ZMIZ1: variants seen among roughly 807,000 people sequenced by gnomAD.
The protein encoded by ZMIZ1 is zinc finger MIZ-type containing 1, also known as zinc finger MIZ domain-containing protein 1.
A neutral mutation model predicts 113.9 loss-of-function variants in ZMIZ1; 17 were observed. That is an observed-to-expected ratio of 0.15 (90% CI 0.10 to 0.22). The LOEUF (loss-of-function observed/expected upper bound fraction) is 0.22, where lower values mean the gene tolerates loss of function less well. Among genes scored for constraint, ZMIZ1 ranks in the 10% least tolerant of loss-of-function variants. ZMIZ1 has a pLI of 1.00. For synonymous variants in ZMIZ1, 607 were observed against 603.1 expected (o/e 1.01, Z -0.09); for missense variants, 1,059 against 1,477.8 (o/e 0.72, Z 4.65).
intron 1 of ZMIZ1, among the ~76,000 whole-genome samples, chr10:79,078,570 CTT>C (rs34178865): frequency 8.0e-5 from 7 of 87,810 alleles, no homozygotes; most frequent in African/African-American, 2.8e-4. Flanking sequence ...CCACCCCCGA[CTT>C]TTTTTTTTTT....
At chr10:79,128,211 T>C (rs1844599160) in intron 2 of ZMIZ1, among the ~76,000 whole-genome samples, 1 of 152,108 alleles carries the variant, frequency 6.6e-6, no homozygotes. Context: ...GGTGCTTGGG[T>C]GCCTTCTTTG....
At chr10:79,258,030 G>T (rs1589505115) in intron 7 of ZMIZ1, among the ~76,000 whole-genome samples, 1 of 152,192 alleles carries the variant, frequency 6.6e-6, no homozygotes, top group Admixed American at 6.5e-5. Flanking sequence ...TGGATTTGCA[G>T]AGCCCAGCGT....
chr10:79,303,098 G>A (rs1171488308), intron 18 of ZMIZ1, among the ~76,000 whole-genome samples: 9 of 151,852 alleles, frequency 5.9e-5, no homozygotes, highest in East Asian at 3.9e-4. Flanking sequence ...CTGACCTCAC[G>A]ATCCGCCCAC....
At chr10:79,269,510 C>G (rs562980371) in intron 7 of ZMIZ1, among the ~76,000 whole-genome samples, 1 of 148,840 alleles carries the variant, frequency 6.7e-6, no homozygotes, top group East Asian at 2.0e-4. Flanking sequence ...TCTCCAGCAG[C>G]CTTTTAGCTG....
At chr10:79,307,375 C>T in intron 22 of ZMIZ1, 30 bp from the exon 23 acceptor site, 2 of 1,540,000 alleles carry the variant, frequency 1.3e-6, no homozygotes, top group Admixed American at 1.8e-5. Flanking sequence ...CTGGGTGACC[C>T]CCTCCCCTCC....
chr10:79,307,298 C>A, intron 22 of ZMIZ1, 107 bp from the exon 23 acceptor site: 1 of 1,193,340 alleles, frequency 8.4e-7, no homozygotes, highest in Non-Finnish European at 1.2e-6. Flanking sequence ...TACAGCCTCG[C>A]AAGAGGAAAA....
chr10:79,171,348 C>T (rs762626192), intron 4 of ZMIZ1, among the ~76,000 whole-genome samples: 108 of 152,208 alleles, frequency 7.1e-4, no homozygotes, highest in Admixed American at 7.2e-4. Context: ...CCTGGGCTGT[C>T]GCTCAGAGGA....
intron 4 of ZMIZ1, among the ~76,000 whole-genome samples, chr10:79,191,042 G>A (rs2132612135): frequency 6.6e-6 from 1 of 152,318 alleles, no homozygotes; most frequent in Admixed American, 6.5e-5. Context: ...AGGATTGGCT[G>A]GGAGAGTGCA....
Position 79,314,228 on chromosome 10 carries a change from T to G in ZMIZ1, c.*1479T>G, listed in dbSNP as rs948975470. Reference sequence around the variant, plus strand: ...GTGTTCACTTTGTTTCAGGCTGGTCTGTGCCCCGTGAGCCACATGGCCTAG... The same window carrying G: ...GTGTTCACTTTGTTTCAGGCTGGTCGGTGCCCCGTGAGCCACATGGCCTAG... On this transcript the variant is annotated 3_prime_UTR_variant, in exon 25 of 25. Coordinates refer to ENST00000334512, the MANE Select transcript of ZMIZ1 (RefSeq NM_020338.4). 8.8e-6 allele frequency: 4 copies of G among 456,942 alleles called. No homozygotes were observed. Among genetic ancestry groups the G allele is most frequent in the Non-Finnish European group, 1.8e-5 (4 of 227,014 alleles). 28.3% of individuals were successfully genotyped at this position (456,942 alleles called of 1,614,324 possible).
chr10:79,273,879 C>T (rs971816323), intron 7 of ZMIZ1, among the ~76,000 whole-genome samples: 1 of 152,272 alleles, frequency 6.6e-6, no homozygotes, highest in African/African-American at 2.4e-5. Context: ...GGCCTCCCGC[C>T]GTGGGAGCAC....
chr10:79,275,507 C>T (rs1852226639), intron 7 of ZMIZ1, among the ~76,000 whole-genome samples: 4 of 152,242 alleles, frequency 2.6e-5, no homozygotes, highest in South Asian at 2.1e-4. Context: ...TTTGGGCTGA[C>T]GGGAACCCCG....
intron 3 of ZMIZ1, among the ~76,000 whole-genome samples, chr10:79,161,734 A>G (rs979284374): frequency 2.0e-5 from 3 of 152,234 alleles, no homozygotes; most frequent in Admixed American, 1.3e-4. Flanking sequence ...TGTTTGTTGA[A>G]TGAATGAGTG....
At chr10:79,073,302 G>A (rs941696024) in intron 1 of ZMIZ1, among the ~76,000 whole-genome samples, 3 of 152,196 alleles carry the variant, frequency 2.0e-5, no homozygotes, top group East Asian at 3.8e-4. Flanking sequence ...TGAAGGCCTG[G>A]GAGGCTCTGG....
At chr10:79,122,521 C>T (rs1035647398) in intron 2 of ZMIZ1, among the ~76,000 whole-genome samples, 2 of 152,118 alleles carry the variant, frequency 1.3e-5, no homozygotes, top group African/African-American at 4.8e-5. Context: ...GCTCCTTGCC[C>T]ACACTCCCAT....
chr10:79,261,327 G>A (rs758173187), intron 7 of ZMIZ1, among the ~76,000 whole-genome samples: 5 of 152,202 alleles, frequency 3.3e-5, no homozygotes, highest in Admixed American at 1.3e-4. Context: ...CCTACATTCC[G>A]TGTTAATTTT....
intron 2 of ZMIZ1, among the ~76,000 whole-genome samples, chr10:79,133,841 G>A (rs927006307): frequency 3.9e-5 from 6 of 152,212 alleles, no homozygotes; most frequent in African/African-American, 1.4e-4. Flanking sequence ...GGAGCATGCA[G>A]TGTTTAAGGA....
At position 79,293,094 on chromosome 10, in the gene ZMIZ1, C is replaced by T. The variant is rs114228306; in HGVS notation, c.958-287C>T. On this transcript the variant is annotated intron_variant, in intron 11 of 24. Coordinates refer to ENST00000334512, the MANE Select transcript of ZMIZ1 (RefSeq NM_020338.4). ...TTCCTGGTTTTCTGCCTGCCTCCCTCCCTGGAAATGCTGCCTGTGCATCGG... is the reference window on the plus strand; with the variant it reads ...TTCCTGGTTTTCTGCCTGCCTCCCTTCCTGGAAATGCTGCCTGTGCATCGG... 2.7e-3 allele frequency among the ~76,000 whole-genome samples: 409 copies of T among 152,180 alleles called. 3 individuals are homozygous for T. The highest frequency in any genetic ancestry group is 9.5e-3 in the African/African-American group (395 of 41,508).
chr10:79,165,845 C>T (rs762625408), intron 4 of ZMIZ1, among the ~76,000 whole-genome samples: 3 of 149,820 alleles, frequency 2.0e-5, no homozygotes, highest in Admixed American at 6.6e-5. Context: ...TCCCCCTAGG[C>T]GGGCCTGGTC....
At chr10:79,279,115 A>G (rs948943740) in intron 8 of ZMIZ1, among the ~76,000 whole-genome samples, 10 of 145,594 alleles carry the variant, frequency 6.9e-5, no homozygotes, top group African/African-American at 2.7e-4. Flanking sequence ...GCTGCCCCCC[A>G]CCTCCCGGAC....
Sources: allele counts gnomAD v4.1 joint callset (sites outside exome capture counted in the v4.1 genomes callset), GRCh38; gene constraint gnomAD v4.1.1; transcripts MANE v1.5; gene names NCBI Gene and HGNC (gene_info 2026-07-23, HGNC 2026-07-21).